Variants in PRELID2 observed in about 807,000 individuals in gnomAD.
The protein encoded by PRELID2 is PRELI domain containing 2, also known as PRELI domain-containing protein 2.
Under a neutral mutation model 28.4 loss-of-function variants are expected in PRELID2, and 25 were observed. That is an observed-to-expected ratio of 0.88 (90% CI 0.64 to 1.23). The LOEUF (loss-of-function observed/expected upper bound fraction) is 1.23. Ranked by LOEUF, PRELID2 falls within the 50% of genes most tolerant of loss-of-function variation. PRELID2 has a pLI of 0.00. For synonymous variants in PRELID2, 76 were observed against 71.6 expected (o/e 1.06, Z -0.31); for missense variants, 201 against 214.4 (o/e 0.94, Z 0.39).
chr5:145,267,503 C>A, the PRELID2 span, among the ~76,000 whole-genome samples: 1 of 152,128 alleles, frequency 6.6e-6, no homozygotes, highest in Non-Finnish European at 1.5e-5. Context: ...TTTTTAATGG[C>A]TGAATAGTAA....
At chr5:145,462,326 C>T in the PRELID2 span, among the ~76,000 whole-genome samples, 1 of 152,278 alleles carries the variant, frequency 6.6e-6, no homozygotes, top group Middle Eastern at 3.4e-3. Flanking sequence ...AATTGGAGGA[C>T]ATGATGTAGG....
At chr5:145,439,173 C>A in the PRELID2 span, among the ~76,000 whole-genome samples, 3 of 152,122 alleles carry the variant, frequency 2.0e-5, no homozygotes, top group Admixed American at 2.0e-4. Context: ...GGATGCTCTG[C>A]AGAATTGCCT....
At chr5:145,289,072 T>G in the PRELID2 span, among the ~76,000 whole-genome samples, 1 of 152,132 alleles carries the variant, frequency 6.6e-6, no homozygotes, top group East Asian at 1.9e-4. Flanking sequence ...GTTTCATACA[T>G]TTGTAATACA....
chr5:145,394,991 C>G, the PRELID2 span, among the ~76,000 whole-genome samples: 2 of 152,136 alleles, frequency 1.3e-5, no homozygotes, highest in South Asian at 4.2e-4. Context: ...ATTTTTTCTC[C>G]TACCTGAAAT....
At chr5:145,791,739 G>A (rs894873697) in intron 5 of PRELID2, among the ~76,000 whole-genome samples, 2 of 152,114 alleles carry the variant, frequency 1.3e-5, no homozygotes, top group Non-Finnish European at 2.9e-5. Context: ...TTTATGCTAC[G>A]TATATTTTGC....
At chr5:145,703,365 C>T (rs1755458584) in intron 1 of PRELID2, among the ~76,000 whole-genome samples, 1 of 152,174 alleles carries the variant, frequency 6.6e-6, no homozygotes, top group South Asian at 2.1e-4. Flanking sequence ...TCTTAGCTCT[C>T]CCTTCCATAG....
At chr5:145,423,375 A>G in the PRELID2 span, among the ~76,000 whole-genome samples, 3,787 of 152,008 alleles carry the variant, frequency 0.025, 129 homozygotes, top group African/African-American at 0.08. Flanking sequence ...AGGTACACCA[A>G]TCAGGCATAG....
intron 3 of PRELID2, 91 bp downstream of exon 3, chr5:145,819,854 G>C: frequency 1.2e-6 from 1 of 804,600 alleles, no homozygotes; most frequent in Non-Finnish European, 2.0e-6. Context: ...AGTTTCTAAC[G>C]CTCCTTTACA....
chr5:145,569,197 G>C (rs951920956), intron 1 of PRELID2, among the ~76,000 whole-genome samples: 3 of 152,146 alleles, frequency 2.0e-5, no homozygotes, highest in Non-Finnish European at 2.9e-5. Flanking sequence ...ATTCAAAATA[G>C]AGGGCAAAAC....
chr5:145,305,067 A>T, the PRELID2 span, among the ~76,000 whole-genome samples: 3 of 152,184 alleles, frequency 2.0e-5, no homozygotes, highest in Admixed American at 6.5e-5. Flanking sequence ...GAATGCATAC[A>T]ACTATTTCTA....
At chr5:145,579,318 A>T (rs539666125) in intron 1 of PRELID2, among the ~76,000 whole-genome samples, 1 of 152,114 alleles carries the variant, frequency 6.6e-6, no homozygotes, top group Non-Finnish European at 1.5e-5. Flanking sequence ...ATTAGCCTGG[A>T]TGGGGAGAGT....
At chr5:145,286,992 G>A in the PRELID2 span, among the ~76,000 whole-genome samples, 1 of 152,044 alleles carries the variant, frequency 6.6e-6, no homozygotes, top group Non-Finnish European at 1.5e-5. Context: ...TTACAGGCGT[G>A]AGCCACCGCG....
At chr5:145,283,925 G>T in the PRELID2 span, among the ~76,000 whole-genome samples, 6 of 152,024 alleles carry the variant, frequency 3.9e-5, no homozygotes, top group African/African-American at 9.7e-5. Flanking sequence ...TTTGTTTGGT[G>T]GGGGGAAGGT....
At chr5:145,447,859 T>A in the PRELID2 span, among the ~76,000 whole-genome samples, 2 of 146,876 alleles carry the variant, frequency 1.4e-5, no homozygotes, top group Admixed American at 6.8e-5. Context: ...ATTTTCTTAA[T>A]CCAGTCTATC....
At chr5:145,637,197 AC>A (rs1380574155) in intron 1 of PRELID2, among the ~76,000 whole-genome samples, 1 of 152,218 alleles carries the variant, frequency 6.6e-6, no homozygotes, top group Non-Finnish European at 1.5e-5. Context: ...AATATTAACA[AC>A]CAACGTTTAT....
chr5:145,311,371 T>C, the PRELID2 span, among the ~76,000 whole-genome samples: 1 of 152,160 alleles, frequency 6.6e-6, no homozygotes, highest in Non-Finnish European at 1.5e-5. Flanking sequence ...TTTTGGTTTG[T>C]TGCTCTGCTG....
At chr5:145,667,683 C>A (rs1420084032) in intron 1 of PRELID2, among the ~76,000 whole-genome samples, 2 of 152,088 alleles carry the variant, frequency 1.3e-5, no homozygotes, top group Admixed American at 6.6e-5. Context: ...CAAACTCCAT[C>A]TCTACTACCT....
At chr5:145,389,575 G>T in the PRELID2 span, among the ~76,000 whole-genome samples, 1 of 152,120 alleles carries the variant, frequency 6.6e-6, no homozygotes, top group African/African-American at 2.4e-5. Flanking sequence ...GCTCAAATAA[G>T]TGGTAACAAC....
At chr5:145,779,136 AAAT>A (rs1450630814) in intron 5 of PRELID2, among the ~76,000 whole-genome samples, 4 of 152,216 alleles carry the variant, frequency 2.6e-5, no homozygotes, top group African/African-American at 9.7e-5. Flanking sequence ...CCCTTTTGGA[AAAT>A]AATATTATAA....
Sources: allele counts gnomAD v4.1 joint callset (sites outside exome capture counted in the v4.1 genomes callset), GRCh38; gene constraint gnomAD v4.1.1; transcripts MANE v1.5; gene names NCBI Gene and HGNC (gene_info 2026-07-23, HGNC 2026-07-21).